Variants in SOX5 observed in about 807,000 individuals in gnomAD.
SOX5 encodes transcription factor SOX-5.
A neutral mutation model predicts 92.0 loss-of-function variants in SOX5; 9 were observed. That is an observed-to-expected ratio of 0.10 (90% confidence interval 0.06 to 0.17). The LOEUF (loss-of-function observed/expected upper bound fraction) is 0.17. Ranked by LOEUF, SOX5 falls within the 10% of genes least tolerant of loss-of-function variation. SOX5 has a pLI of 1.00. For missense variants in SOX5, 642 were observed against 944.5 expected (o/e 0.68, Z 4.20); for synonymous variants, 344 against 336.3 (o/e 1.02, Z -0.25).
chr12:24,181,305 T>G (rs571560475), intron 4 of SOX5, among the ~76,000 whole-genome samples: 1 of 152,200 alleles, frequency 6.6e-6, no homozygotes, highest in African/African-American at 2.4e-5. Flanking sequence ...TCTTCTCTAC[T>G]CTCATAGGTT....
chr12:24,038,001 G>A (rs898333734), intron 4 of SOX5, among the ~76,000 whole-genome samples: 2 of 152,112 alleles, frequency 1.3e-5, no homozygotes, highest in African/African-American at 4.8e-5. Flanking sequence ...GTTGCTTTCT[G>A]AAGCCACTCA....
At chr12:23,700,434 A>C (rs530824440) in intron 6 of SOX5, among the ~76,000 whole-genome samples, 194 of 152,200 alleles carry the variant, frequency 1.3e-3, no homozygotes, top group African/African-American at 4.2e-3. Context: ...TTCTCGTAAG[A>C]GCAGAAATAT....
At chr12:23,585,567 C>G (rs1950607327) in intron 9 of SOX5, among the ~76,000 whole-genome samples, 1 of 152,160 alleles carries the variant, frequency 6.6e-6, no homozygotes, top group African/African-American at 2.4e-5. Context: ...TCGTACTCCA[C>G]TTGCTTTAAC....
intron 1 of SOX5, among the ~76,000 whole-genome samples, chr12:24,439,763 C>T (rs1456310264): frequency 2.0e-5 from 3 of 151,912 alleles, no homozygotes; most frequent in Non-Finnish European, 2.9e-5. Flanking sequence ...GGCATGGTGG[C>T]GGGCGCCTGT....
intron 1 of SOX5, among the ~76,000 whole-genome samples, chr12:24,554,749 A>C (rs1032686533): frequency 6.6e-6 from 1 of 152,180 alleles, no homozygotes; most frequent in African/African-American, 2.4e-5. Context: ...CTCAATCACA[A>C]TCCTGATTAC....
chr12:24,159,314 T>G (rs2138958717), intron 4 of SOX5, among the ~76,000 whole-genome samples: 1 of 152,142 alleles, frequency 6.6e-6, no homozygotes, highest in Non-Finnish European at 1.5e-5. Context: ...GCTTCTCTTC[T>G]GTCTCCTTGG....
intron 4 of SOX5, among the ~76,000 whole-genome samples, chr12:24,164,009 ACAGGATACTT>A (rs1953088452): frequency 6.6e-6 from 1 of 152,170 alleles, no homozygotes; most frequent in Non-Finnish European, 1.5e-5. Flanking sequence ...AGTATATGAT[ACAGGATACTT>A]CAGTACTTTA....
At chr12:23,857,836 G>T (rs561501377) in intron 2 of SOX5, among the ~76,000 whole-genome samples, 1 of 151,690 alleles carries the variant, frequency 6.6e-6, no homozygotes, top group South Asian at 2.1e-4. Context: ...AGGTTCAAGC[G>T]ATTCTCCTGC....
At chr12:24,015,820 A>G (rs1373254574) in intron 4 of SOX5, among the ~76,000 whole-genome samples, 1 of 152,054 alleles carries the variant, frequency 6.6e-6, no homozygotes, top group South Asian at 2.1e-4. Flanking sequence ...GATGGATCAC[A>G]TTTGTTTTCA....
rs1959025609 is a variant in SOX5 at position 24,391,821 on chromosome 12, CAT to C, written c.-250-23184_-250-23183del. ...ATTTCACTAATTTCTTAAAAGGTAACATATAGAAAATATAAACGTTTCCTTCA... is the reference window on the plus strand; with the variant it reads ...ATTTCACTAATTTCTTAAAAGGTAACATAGAAAATATAAACGTTTCCTTCA... On this transcript the variant is annotated intron_variant, in intron 1 of 4. Coordinates refer to the SOX5 transcript ENST00000446891. Among the ~76,000 whole-genome samples the C allele has an allele frequency of 2.0e-5, 3 of 152,214 alleles. No individual in the cohort carries two copies. The South Asian group carries it at 6.2e-4, about 32-fold the overall frequency.
intron 1 of SOX5, among the ~76,000 whole-genome samples, chr12:24,450,480 T>TTATG (rs1421385220): frequency 6.7e-6 from 1 of 150,238 alleles, no homozygotes; most frequent in East Asian, 1.9e-4. Flanking sequence ...TTTTATTTAT[T>TTATG]TATTTATTTA....
chr12:23,577,562 C>T (rs529769222), intron 9 of SOX5, among the ~76,000 whole-genome samples: 29 of 151,746 alleles, frequency 1.9e-4, no homozygotes, highest in Middle Eastern at 3.4e-3. Flanking sequence ...TGGTTATGTG[C>T]ACTTAAGAAT....
At chr12:23,725,379 C>A (rs549528024) in intron 6 of SOX5, among the ~76,000 whole-genome samples, 3 of 152,216 alleles carry the variant, frequency 2.0e-5, no homozygotes, top group South Asian at 4.2e-4. Flanking sequence ...TGGCAGCAGG[C>A]AACAGAGAGC....
At position 24,432,748 on chromosome 12, in the gene SOX5, A is replaced by T. The variant is rs143365845; in HGVS notation, c.-250-64109T>A. 2.6e-3 allele frequency among the ~76,000 whole-genome samples: 390 copies of T among 152,236 alleles called. 5 individuals carry two copies. The highest frequency in any genetic ancestry group is 8.9e-3 in the African/African-American group (370 of 41,544). ...AATCCTTTGAACCCAGGAGGCGGAGATTGCAGTGAGCCAAGATCGCACCAC... is the reference window on the plus strand; with the variant it reads ...AATCCTTTGAACCCAGGAGGCGGAGTTTGCAGTGAGCCAAGATCGCACCAC... On this transcript the variant is annotated intron_variant, in intron 1 of 4. Transcript: ENST00000446891.
At chr12:24,378,408 T>C (rs1234396672) in intron 1 of SOX5, among the ~76,000 whole-genome samples, 1 of 152,224 alleles carries the variant, frequency 6.6e-6, no homozygotes, top group African/African-American at 2.4e-5. Context: ...ATACATAATT[T>C]GCAATTCAAA....
At chr12:24,474,058 GT>G (rs1945090638) in intron 1 of SOX5, among the ~76,000 whole-genome samples, 1 of 152,016 alleles carries the variant, frequency 6.6e-6, no homozygotes. Flanking sequence ...CATAAACATG[GT>G]TTATTTGTAT....
intron 2 of SOX5, among the ~76,000 whole-genome samples, chr12:24,315,127 A>T (rs1392897155): frequency 6.6e-6 from 1 of 152,152 alleles, no homozygotes; most frequent in Non-Finnish European, 1.5e-5. Flanking sequence ...CTCTACCTCT[A>T]GTATTTCTCT....
chr12:24,006,723 T>C (rs941543606), intron 4 of SOX5, among the ~76,000 whole-genome samples: 2 of 152,026 alleles, frequency 1.3e-5, no homozygotes, highest in Non-Finnish European at 2.9e-5. Flanking sequence ...AATCTTTTAG[T>C]CCTCACCTGT....
chr12:23,997,851 C>T (rs908068376), intron 4 of SOX5, among the ~76,000 whole-genome samples: 4 of 152,082 alleles, frequency 2.6e-5, no homozygotes, highest in African/African-American at 7.2e-5. Flanking sequence ...AAACATTAGG[C>T]AGAGACATCA....
Sources: gnomAD v4.1 joint callset for allele counts (sites outside exome capture counted in the v4.1 genomes callset) on GRCh38, gnomAD v4.1.1 for gene constraint, MANE v1.5 for transcripts, NCBI Gene and HGNC (gene_info 2026-07-23, HGNC 2026-07-21) for gene names.